Variants in FBXO34 observed in about 807,000 individuals in gnomAD.
FBXO34 encodes F-box protein 34.
Under a neutral mutation model 24.5 loss-of-function variants are expected in FBXO34, and 12 were observed. That is an observed-to-expected ratio of 0.49 (90% CI 0.31 to 0.79). The LOEUF (loss-of-function observed/expected upper bound fraction) is 0.79. FBXO34 is among the 30% of genes least tolerant of loss of function. FBXO34 has a pLI of 0.04. For synonymous variants in FBXO34, 320 were observed against 311.9 expected (o/e 1.03, Z -0.27); for missense variants, 823 against 857.7 (o/e 0.96, Z 0.51).
intron 1 of FBXO34, among the ~76,000 whole-genome samples, chr14:55,277,708 A>G (rs1247352162): frequency 1.3e-5 from 2 of 152,158 alleles, no homozygotes; most frequent in African/African-American, 4.8e-5. Flanking sequence ...AGAGGACGCA[A>G]GTTTCTTAGG....
exon 3 of FBXO34, chr14:55,367,322 A>C (rs1884701954): frequency 6.6e-6 from 1 of 152,214 alleles, no homozygotes; most frequent in Non-Finnish European, 1.5e-5. Flanking sequence ...AAGATCGTTA[A>C]GTTTATTTAT....
chr14:55,346,707 T>A (rs545811815), intron 1 of FBXO34, among the ~76,000 whole-genome samples: 12 of 152,154 alleles, frequency 7.9e-5, no homozygotes, highest in Middle Eastern at 3.4e-3. Context: ...AGCTGGTGGT[T>A]GAAGAGGGAA....
chr14:55,297,337 G>T (rs1267302379), intron 1 of FBXO34, among the ~76,000 whole-genome samples: 1 of 152,172 alleles, frequency 6.6e-6, no homozygotes, highest in Non-Finnish European at 1.5e-5. Flanking sequence ...CAGTCAGATT[G>T]CTAGGGTTCA....
intron 1 of FBXO34, among the ~76,000 whole-genome samples, chr14:55,345,649 T>G (rs540706197): frequency 1.3e-5 from 2 of 152,050 alleles, no homozygotes; most frequent in African/African-American, 2.4e-5. Context: ...GGGCAGCAAC[T>G]ATGTTTTACT....
At chr14:55,335,262 T>G (rs1268762983) in intron 1 of FBXO34, 1 of 152,276 alleles carries the variant, frequency 6.6e-6, no homozygotes, top group African/African-American at 2.4e-5. Context: ...GTGAAAAGTC[T>G]TCTGTGCTTG....
intron 1 of FBXO34, among the ~76,000 whole-genome samples, chr14:55,344,584 T>A (rs1286780219): frequency 6.6e-6 from 1 of 151,596 alleles, no homozygotes; most frequent in Non-Finnish European, 1.5e-5. Context: ...CTGGGATACA[T>A]GTGCAGAATT....
intron 1 of FBXO34, among the ~76,000 whole-genome samples, chr14:55,341,411 A>G (rs2140071374): frequency 6.6e-6 from 1 of 152,344 alleles, no homozygotes; most frequent in East Asian, 1.9e-4. Flanking sequence ...GGCCAAGCAA[A>G]GGATCTTTGT....
chr14:55,411,180 T>C, the FBXO34 span, among the ~76,000 whole-genome samples: 2 of 152,252 alleles, frequency 1.3e-5, no homozygotes, highest in African/African-American at 2.4e-5. Context: ...AAAGCAGTTA[T>C]TTGATTCTCT....
chr14:55,431,650 C>T, the FBXO34 span, among the ~76,000 whole-genome samples: 1 of 152,148 alleles, frequency 6.6e-6, no homozygotes, highest in Admixed American at 6.5e-5. Context: ...TGTACTCAGA[C>T]ACATGTGAAG....
intron 1 of FBXO34, among the ~76,000 whole-genome samples, chr14:55,348,869 G>C (rs1372272032): frequency 6.6e-6 from 1 of 151,848 alleles, no homozygotes; most frequent in Non-Finnish European, 1.5e-5. Context: ...CCTGAAATCA[G>C]TTACCACAGA....
chr14:55,319,064 A>C (rs529298699), intron 1 of FBXO34, among the ~76,000 whole-genome samples: 1 of 152,300 alleles, frequency 6.6e-6, no homozygotes, highest in South Asian at 2.1e-4. Flanking sequence ...TAGGATATGA[A>C]GGTGGAAATT....
the FBXO34 span, among the ~76,000 whole-genome samples, chr14:55,418,522 A>G: frequency 6.6e-6 from 1 of 152,166 alleles, no homozygotes; most frequent in Non-Finnish European, 1.5e-5. Flanking sequence ...ACATATACCA[A>G]TTTACTATTA....
chr14:55,392,510 G>A, the FBXO34 span, among the ~76,000 whole-genome samples: 3 of 152,176 alleles, frequency 2.0e-5, no homozygotes, highest in South Asian at 6.2e-4. Flanking sequence ...TTAGCCAGGT[G>A]TGGTGACATG....
At chr14:55,398,579 GCTTA>G in the FBXO34 span, among the ~76,000 whole-genome samples, 1 of 152,068 alleles carries the variant, frequency 6.6e-6, no homozygotes, top group Non-Finnish European at 1.5e-5. Context: ...TTTCTAGGTA[GCTTA>G]CTGTTATTGT....
At chr14:55,411,031 A>G in the FBXO34 span, among the ~76,000 whole-genome samples, 1 of 152,306 alleles carries the variant, frequency 6.6e-6, no homozygotes, top group African/African-American at 2.4e-5. Flanking sequence ...CACGTTCCCA[A>G]ATTCCTAAGA....
At chr14:55,395,172 G>A in the FBXO34 span, 57,420 of 453,106 alleles carry the variant, frequency 0.13, 4,445 homozygotes, top group Non-Finnish European at 0.16. Context: ...TAAGCGTGCC[G>A]ATCTCCTCTT....
chr14:55,286,173 AGT>A (rs764762712), intron 1 of FBXO34, among the ~76,000 whole-genome samples: 58 of 152,328 alleles, frequency 3.8e-4, no homozygotes, highest in Non-Finnish European at 7.3e-4. Flanking sequence ...GTAAAAAATG[AGT>A]GTAACTTCCC....
chr14:55,299,332 A>G (rs1212436800), intron 1 of FBXO34: 6 of 397,314 alleles, frequency 1.5e-5, no homozygotes. Flanking sequence ...ACTCCAAAGC[A>G]GTAGGGCCGC....
At chr14:55,356,748 G>A (rs1439582558), downstream of FBXO34, among the ~76,000 whole-genome samples, 2 of 152,030 alleles carry the variant, frequency 1.3e-5, no homozygotes, top group East Asian at 3.9e-4. Context: ...GTGAGCCACC[G>A]TGCCTGGCTG....
Sources: allele counts gnomAD v4.1 joint callset (sites outside exome capture counted in the v4.1 genomes callset), GRCh38; gene constraint gnomAD v4.1.1; transcripts MANE v1.5; gene names NCBI Gene and HGNC (gene_info 2026-07-23, HGNC 2026-07-21).